The following MSRA variants were observed in gnomAD, a reference collection of about 807,000 sequenced individuals.
MSRA encodes the protein methionine sulfoxide reductase A.
In MSRA, 54 loss-of-function variants were observed where a neutral mutation model predicts 31.3. The observed-to-expected ratio is 1.73, with a 90% CI of 1.39 to 2.17. The LOEUF (loss-of-function observed/expected upper bound fraction) is 2.17. Among genes scored for constraint, MSRA ranks in the 30% most tolerant of loss-of-function variants. MSRA has a pLI of 0.00. For synonymous variants in MSRA, 169 were observed against 116.5 expected, an observed-to-expected ratio of 1.45 and a Z score of -2.90; for missense variants, 507 against 300.9, an observed-to-expected ratio of 1.69 and a Z score of -5.07.
Position 10,061,227 on chromosome 8 carries a change from T to A in MSRA, c.142+6569T>A, listed in dbSNP as rs76597970. On this transcript the variant is annotated intron_variant, in intron 1 of 5. Coordinates refer to ENST00000317173, the MANE Select transcript of MSRA (RefSeq NM_012331.5). ...GTGTTTCACTTTTCTGCCTCTGTATTGCTCACACGACCATACCCATAGCGT... is the reference window on the plus strand; with the variant it reads ...GTGTTTCACTTTTCTGCCTCTGTATAGCTCACACGACCATACCCATAGCGT... 7.4e-3 allele frequency among the ~76,000 whole-genome samples: 1,133 copies of A among 152,324 alleles called. 4 individuals carry two copies. The highest frequency in any genetic ancestry group is 0.013 in the Non-Finnish European group (862 of 68,032).
chr8:10,086,001 A>G (rs967408981), intron 1 of MSRA, among the ~76,000 whole-genome samples: 4 of 152,168 alleles, frequency 2.6e-5, no homozygotes, highest in African/African-American at 9.7e-5. Flanking sequence ...TTGAGGTATT[A>G]TGAATAATTC....
At chr8:10,200,397 C>T (rs999830165) in intron 1 of MSRA, among the ~76,000 whole-genome samples, 2 of 152,224 alleles carry the variant, frequency 1.3e-5, no homozygotes, top group Non-Finnish European at 1.5e-5. Context: ...CAGTGAGCTG[C>T]CTTCCCCTTC....
chr8:10,165,937 G>T (rs1366684366), intron 1 of MSRA, among the ~76,000 whole-genome samples: 1 of 152,204 alleles, frequency 6.6e-6, no homozygotes, highest in Non-Finnish European at 1.5e-5. Flanking sequence ...AAGCCAAGCA[G>T]ACTGGCCTGG....
At chr8:10,416,141 G>A (rs558470363) in intron 5 of MSRA, among the ~76,000 whole-genome samples, 5 of 152,268 alleles carry the variant, frequency 3.3e-5, no homozygotes, top group South Asian at 2.1e-4. Flanking sequence ...CTGCAGACAC[G>A]TCGTGGGAAT....
chr8:10,352,939 C>G (rs372973397), intron 5 of MSRA, among the ~76,000 whole-genome samples: 1 of 152,134 alleles, frequency 6.6e-6, no homozygotes, highest in Non-Finnish European at 1.5e-5. Context: ...AGCCCACTTG[C>G]AATCTCTCCA....
intron 1 of MSRA, among the ~76,000 whole-genome samples, chr8:10,098,025 A>G (rs906433619): frequency 2.0e-5 from 3 of 152,120 alleles, no homozygotes; most frequent in Non-Finnish European, 4.4e-5. Context: ...GTCTTTGTGC[A>G]AGCTTTTTTT....
chr8:10,073,542 T>C (rs1453351133), intron 1 of MSRA, among the ~76,000 whole-genome samples: 1 of 139,540 alleles, frequency 7.2e-6, no homozygotes, highest in African/African-American at 2.5e-5. Flanking sequence ...CTTTTTCTTT[T>C]GAATTGTCCT....
chr8:10,289,343 G>A (rs1416223716), intron 3 of MSRA, among the ~76,000 whole-genome samples: 1 of 151,816 alleles, frequency 6.6e-6, no homozygotes, highest in Non-Finnish European at 1.5e-5. Flanking sequence ...TACATAGTAG[G>A]TACATTTATG....
At chr8:10,397,359 A>G (rs990801587) in intron 5 of MSRA, among the ~76,000 whole-genome samples, 5 of 152,224 alleles carry the variant, frequency 3.3e-5, no homozygotes, top group African/African-American at 1.2e-4. Flanking sequence ...GGTTGAGCTC[A>G]TTTGAAATGA....
At chr8:10,406,240 C>T (rs1281180280) in intron 5 of MSRA, among the ~76,000 whole-genome samples, 1 of 152,248 alleles carries the variant, frequency 6.6e-6, no homozygotes, top group African/African-American at 2.4e-5. Context: ...AGGGAGGTCC[C>T]TTGCAGTCAC....
intron 1 of MSRA, among the ~76,000 whole-genome samples, chr8:10,079,862 G>C (rs1357928848): frequency 6.6e-6 from 1 of 152,158 alleles, no homozygotes; most frequent in African/African-American, 2.4e-5. Flanking sequence ...GTGCAGCTTT[G>C]AGCTATTTAC....
At chr8:10,295,799 C>G (rs970881179) in intron 3 of MSRA, among the ~76,000 whole-genome samples, 2 of 152,128 alleles carry the variant, frequency 1.3e-5, no homozygotes, top group Non-Finnish European at 2.9e-5. Flanking sequence ...GGTGCCTCTG[C>G]CCTCTCCCAG....
chr8:10,337,430 C>T (rs1490715975), intron 5 of MSRA: 14 of 343,980 alleles, frequency 4.1e-5, no homozygotes, highest in African/African-American at 1.5e-4. Flanking sequence ...CCACCAGCCT[C>T]GGCCTCCCAA....
chr8:10,102,471 C>CT (rs929581115), intron 1 of MSRA, among the ~76,000 whole-genome samples: 4 of 152,218 alleles, frequency 2.6e-5, no homozygotes, highest in African/African-American at 9.6e-5. Context: ...TATGTCTTTA[C>CT]TGAGACTTTC....
chr8:10,240,396 A>C (rs967985019), intron 2 of MSRA, among the ~76,000 whole-genome samples: 1 of 152,134 alleles, frequency 6.6e-6, no homozygotes, highest in African/African-American at 2.4e-5. Context: ...TCCTGCATCC[A>C]TTACGCAGGT....
chr8:10,376,502 C>T (rs772730667), intron 5 of MSRA, among the ~76,000 whole-genome samples: 5 of 152,178 alleles, frequency 3.3e-5, no homozygotes, highest in Non-Finnish European at 5.9e-5. Flanking sequence ...CCTCAGTTTC[C>T]CAATCTCTAC....
At chr8:10,125,163 T>TTC (rs1041603706) in intron 1 of MSRA, among the ~76,000 whole-genome samples, 1 of 152,202 alleles carries the variant, frequency 6.6e-6, no homozygotes, top group Admixed American at 6.5e-5. Context: ...TTGTAATGGG[T>TTC]GTGACGGCTG....
intron 1 of MSRA, among the ~76,000 whole-genome samples, chr8:10,198,227 A>G (rs1053210048): frequency 6.6e-6 from 1 of 152,198 alleles, no homozygotes; most frequent in Non-Finnish European, 1.5e-5. Flanking sequence ...AAATCAGCAT[A>G]TAAATCAGCC....
intron 1 of MSRA, among the ~76,000 whole-genome samples, chr8:10,201,527 C>G (rs1808502089): frequency 6.6e-6 from 1 of 152,132 alleles, no homozygotes; most frequent in African/African-American, 2.4e-5. Flanking sequence ...TTAGGTGTTC[C>G]CAGTTGAGCA....
Sources: allele counts gnomAD v4.1 joint callset (sites outside exome capture counted in the v4.1 genomes callset), GRCh38; gene constraint gnomAD v4.1.1; transcripts MANE v1.5; gene names NCBI Gene and HGNC (gene_info 2026-07-23, HGNC 2026-07-21).